The following VPS13B variants were observed in gnomAD, a reference collection of about 807,000 sequenced individuals.
VPS13B encodes the protein intermembrane lipid transfer protein VPS13B.
A neutral mutation model predicts 426.4 loss-of-function variants in VPS13B; 285 were observed. That is an observed-to-expected ratio of 0.67 (90% CI 0.61 to 0.74). The LOEUF is 0.74. VPS13B is among the 30% of genes least tolerant of loss of function. VPS13B has a pLI of 0.00. For synonymous variants in VPS13B, 1,676 were observed against 1,676.4 expected (o/e 1.00, Z 0.01); for missense variants, 4,537 against 4,782.6 (o/e 0.95, Z 1.51).
At chr8:99,398,284 T>C (rs1814847259) in intron 21 of VPS13B, among the ~76,000 whole-genome samples, 1 of 151,964 alleles carries the variant, frequency 6.6e-6, no homozygotes. Context: ...AATGGTAGAG[T>C]AAGGAGAAGG....
At chr8:99,583,754 G>A (rs1032170955) in intron 33 of VPS13B, among the ~76,000 whole-genome samples, 1 of 152,172 alleles carries the variant, frequency 6.6e-6, no homozygotes, top group African/African-American at 2.4e-5. Context: ...AGAATTTCAG[G>A]TAAGATGAGG....
intron 17 of VPS13B, among the ~76,000 whole-genome samples, chr8:99,246,663 C>T (rs779590390): frequency 1.3e-4 from 20 of 152,044 alleles, no homozygotes; most frequent in Non-Finnish European, 2.1e-4. Context: ...GTCAGGAGTT[C>T]GAGACCACCT....
At chr8:99,088,459 G>A (rs1178758394) in intron 3 of VPS13B, among the ~76,000 whole-genome samples, 1 of 152,224 alleles carries the variant, frequency 6.6e-6, no homozygotes, top group East Asian at 1.9e-4. Context: ...AGGGAATAAA[G>A]GACAGAGGAT....
At chr8:99,367,739 A>G (rs1812969023) in intron 19 of VPS13B, among the ~76,000 whole-genome samples, 1 of 152,042 alleles carries the variant, frequency 6.6e-6, no homozygotes, top group Non-Finnish European at 1.5e-5. Context: ...GCCTGTCTTC[A>G]ACCTCCTGGG....
chr8:99,376,597 C>G (rs1175042181), intron 19 of VPS13B, among the ~76,000 whole-genome samples: 1 of 152,008 alleles, frequency 6.6e-6, no homozygotes, highest in Non-Finnish European at 1.5e-5. Flanking sequence ...TCCGTTTTCT[C>G]TCTCTAAAAT....
In VPS13B at chr8:99,819,551, A is replaced by C. The variant is rs1186055300; in HGVS notation, c.8761A>C (p.Ile2921Leu). 3 of 1,613,634 alleles carry C rather than the reference A, an allele frequency of 1.9e-6. No homozygotes were observed. The Admixed American group carries it at 5.0e-5, about 27-fold the overall frequency. The change falls in exon 48 of 62, where the codon ATA (isoleucine) becomes CTA (leucine). Residue 2921 changes from isoleucine (I) to leucine (L), a missense_variant. This residue lies in a region of VPS13B where 4,311 missense variants were observed against 4,474.3 expected (regional missense o/e 0.96). Coordinates refer to ENST00000357162, the MANE Select transcript of VPS13B (RefSeq NM_152564.5). Reference protein sequence around the residue: ...FYGPEKSLQPIWPYNKKDSDR... With the variant: ...FYGPEKSLQPLWPYNKKDSDR... ...TGGGCCAGAAAAGTCGCTTCAACCC[A>C]TATGGCCCTATAATAAGAAGGATTC...
Position 99,275,338 on chromosome 8 carries a change from T to A in VPS13B, c.2824+84T>A, listed in dbSNP as rs541769726. On this transcript the variant is annotated intron_variant, in intron 19 of 61. Transcript: ENST00000357162. ...AAGGCTTTTAAAATTGGTATATATT[T>A]TTTTTTTTTTAGGTATTTTTGTCAA... The A allele has an allele frequency of 3.7e-3, 4,773 of 1,285,056 alleles. 151 individuals are homozygous for A. In the African/African-American group the frequency reaches 0.063, roughly 17 times the overall value. 79.6% of individuals were successfully genotyped at this position (1,285,056 alleles called of 1,614,324 possible). A position where few individuals can be genotyped will look rare whatever the true frequency, so the allele number is the denominator to read the frequency against.
In VPS13B at chr8:99,429,045, C is replaced by T. The variant is rs1297561359; in HGVS notation, c.3083-2492C>T. 2.0e-5 allele frequency among the ~76,000 whole-genome samples: 3 copies of T among 152,120 alleles called. 1 individual carries two copies. Among genetic ancestry groups the T allele is most frequent in the South Asian group, 4.1e-4 (2 of 4,822 alleles). ...TAACGCAAGGACAAAAAACCAAACA[C>T]AGCATATTCTCACTCATAGGTGGGA... On this transcript the variant is annotated intron_variant, in intron 21 of 61. Transcript: ENST00000357162.
At chr8:99,685,926 G>A (rs1247623530) in intron 35 of VPS13B, among the ~76,000 whole-genome samples, 1 of 152,138 alleles carries the variant, frequency 6.6e-6, no homozygotes, top group African/African-American at 2.4e-5. Flanking sequence ...CAGTGTCTGG[G>A]CATTGGATAG....
At chr8:99,530,158 A>C (rs1822855053) in intron 30 of VPS13B, among the ~76,000 whole-genome samples, 1 of 152,194 alleles carries the variant, frequency 6.6e-6, no homozygotes, top group Admixed American at 6.5e-5. Flanking sequence ...TAATTTTTAA[A>C]AATCCTTAAG....
intron 17 of VPS13B, among the ~76,000 whole-genome samples, chr8:99,258,194 CATCACT>C (rs1817854348): frequency 1.6e-4 from 24 of 148,810 alleles, no homozygotes; most frequent in Admixed American, 1.6e-3. Flanking sequence ...TCTAATATTG[CATCACT>C]TTGTACTTAG....
At chr8:99,806,406 T>A (rs1813403877) in intron 43 of VPS13B, among the ~76,000 whole-genome samples, 1 of 152,198 alleles carries the variant, frequency 6.6e-6, no homozygotes, top group South Asian at 2.1e-4. Context: ...TGCTTCCCAA[T>A]GTTTTCTTAA....
At position 99,720,363 on chromosome 8, in the gene VPS13B, C is replaced by T. The variant is rs747340772; in HGVS notation, c.6676C>T (p.His2226Tyr). The T allele has an allele frequency of 1.9e-6, 3 of 1,613,002 alleles. No homozygotes were observed. Among genetic ancestry groups the T allele is most frequent in the Non-Finnish European group, 2.5e-6 (3 of 1,179,806 alleles). ...GLLQVFWGQE[H>Y]LNCLVLLHEL... The stretch of plus-strand genomic sequence containing the variant: ...TTTAAAGGTCTTCTGGGGTCAAGAA[C>T]ATTTGAATTGTTTAGTTCTTCTACA... The change falls in exon 38 of 62, where the codon CAT becomes TAT. Residue 2226 changes from histidine (H) to tyrosine (Y), a missense_variant. Transcript: ENST00000357162.
At chr8:99,058,519 G>C (rs1435179951) in intron 3 of VPS13B, among the ~76,000 whole-genome samples, 1 of 151,910 alleles carries the variant, frequency 6.6e-6, no homozygotes, top group South Asian at 2.1e-4. Context: ...CACATTAAGA[G>C]GTCCTGAGAT....
rs764036857 is a variant in VPS13B at position 99,776,938 on chromosome 8, C to G, written c.7411C>G (p.Leu2471Val). 1 of 1,613,886 alleles carries G rather than the reference C, an allele frequency of 6.2e-7. No homozygotes were observed. Among genetic ancestry groups the G allele is most frequent in the African/African-American group, 1.3e-5 (1 of 74,908 alleles). Residue 2471 changes from leucine to valine, a missense_variant, in exon 41 of 62, where the codon CTT becomes GTT. Physicochemically the swap from Leu to Val is conservative, Grantham distance 32. Around this residue, in one of 2 missense-constraint regions of VPS13B, gnomAD observed 4,311 missense variants for 4,474.3 expected, o/e 0.96. Coordinates refer to ENST00000357162, the MANE Select transcript of VPS13B (RefSeq NM_152564.5). ...CCTGGAATTCCATCTTTGTCATCAC[C>G]TTGACCAACTAGGCACAGGTACTCT... is the stretch of plus-strand genomic sequence containing the variant. ...AHLEFHLCHH[L>V]DQLGTAAPQY...
chr8:99,876,006 G>T lies in VPS13B; in HGVS notation c.*340G>T. 1 of 349,852 alleles carries T rather than the reference G, an allele frequency of 2.9e-6. No individual in the cohort carries two copies. Among genetic ancestry groups the T allele is most frequent in the Non-Finnish European group, 5.4e-6 (1 of 185,148 alleles). 21.7% of individuals were successfully genotyped at this position (349,852 alleles called of 1,614,324 possible). ...CCCACTTAGAGACAATGATTAACAG[G>T]GCCCTATATGTTCTTACCACATACA... is the stretch of plus-strand genomic sequence containing the variant. On this transcript the variant is annotated 3_prime_UTR_variant, in exon 62 of 62. Coordinates refer to ENST00000357162, the MANE Select transcript of VPS13B (RefSeq NM_152564.5).
At chr8:99,672,224 G>T (rs1301166982) in intron 35 of VPS13B, among the ~76,000 whole-genome samples, 1 of 152,078 alleles carries the variant, frequency 6.6e-6, no homozygotes, top group Non-Finnish European at 1.5e-5. Context: ...CACATCAATA[G>T]CATGAGTAGG....
chr8:99,820,402 G>T (rs1393921256), intron 49 of VPS13B, among the ~76,000 whole-genome samples: 1 of 151,920 alleles, frequency 6.6e-6, no homozygotes, highest in Non-Finnish European at 1.5e-5. Context: ...ACAAGTATTT[G>T]GGCTGCTCTA....
At chr8:99,168,075 T>C (rs966064179) in intron 15 of VPS13B, among the ~76,000 whole-genome samples, 24 of 152,254 alleles carry the variant, frequency 1.6e-4, no homozygotes, top group African/African-American at 5.3e-4. Flanking sequence ...TTTAAAAATT[T>C]ATTTTTAAAT....
Sources: gnomAD v4.1 joint callset for allele counts (sites outside exome capture counted in the v4.1 genomes callset) on GRCh38, gnomAD v4.1.1 for gene constraint, gnomAD v4.1.1 regional missense constraint, MANE v1.5 for transcripts, NCBI Gene and HGNC (gene_info 2026-07-23, HGNC 2026-07-21) for gene names.